Variants in PPP3CA observed in about 807,000 individuals in gnomAD.
The protein encoded by PPP3CA is protein phosphatase 3 catalytic subunit alpha.
In PPP3CA, 14 loss-of-function variants were observed where a neutral mutation model predicts 66.5. The observed-to-expected ratio is 0.21, with a 90% CI of 0.14 to 0.33. The LOEUF (loss-of-function observed/expected upper bound fraction) is 0.33, where lower values mean the gene tolerates loss of function less well. Among genes scored for constraint, PPP3CA ranks in the 10% least tolerant of loss-of-function variants. PPP3CA has a pLI of 1.00. For synonymous variants in PPP3CA, 232 were observed against 226.2 expected (o/e 1.03, Z -0.23); for missense variants, 317 against 639.5 (o/e 0.50, Z 5.44).
At chr4:101,252,013 G>A (rs184271553) in intron 1 of PPP3CA, among the ~76,000 whole-genome samples, 16 of 152,258 alleles carry the variant, frequency 1.1e-4, no homozygotes, top group Middle Eastern at 3.4e-3. Flanking sequence ...GTCACACCTT[G>A]CTGAAAACGG....
chr4:101,146,808 A>C (rs901821822), intron 2 of PPP3CA, among the ~76,000 whole-genome samples: 1 of 152,190 alleles, frequency 6.6e-6, no homozygotes, highest in African/African-American at 2.4e-5. Context: ...TACAGATTGA[A>C]TATCCCTTAT....
intron 2 of PPP3CA, among the ~76,000 whole-genome samples, chr4:101,124,697 GAA>G (rs1225338891): frequency 1.3e-4 from 12 of 91,810 alleles, no homozygotes; most frequent in East Asian, 5.9e-4. Flanking sequence ...AAGAAAGAAA[GAA>G]AGAAAGAAAG....
intron 1 of PPP3CA, among the ~76,000 whole-genome samples, chr4:101,289,715 G>A (rs1431717313): frequency 6.6e-6 from 1 of 151,890 alleles, no homozygotes; most frequent in Non-Finnish European, 1.5e-5. Flanking sequence ...TATATGTGAG[G>A]TTGTTTTTAA....
intron 1 of PPP3CA, among the ~76,000 whole-genome samples, chr4:101,243,871 C>T (rs1560677367): frequency 6.6e-6 from 1 of 152,080 alleles, no homozygotes. Context: ...ATTCATTGAC[C>T]CCTGGACAAA....
intron 1 of PPP3CA, among the ~76,000 whole-genome samples, chr4:101,312,209 T>A (rs1313781330): frequency 6.6e-6 from 1 of 152,194 alleles, no homozygotes; most frequent in Non-Finnish European, 1.5e-5. Flanking sequence ...ATATAATGCA[T>A]ACATTGCAAT....
intron 2 of PPP3CA, among the ~76,000 whole-genome samples, chr4:101,165,101 G>A (rs906244): frequency 6.6e-4 from 101 of 152,014 alleles, no homozygotes; most frequent in African/African-American, 2.1e-3. Flanking sequence ...TGGAATCTGC[G>A]ATTAAACAAA....
intron 2 of PPP3CA, among the ~76,000 whole-genome samples, chr4:101,134,539 G>A (rs1413691050): frequency 2.6e-5 from 4 of 152,094 alleles, no homozygotes; most frequent in African/African-American, 4.8e-5. Context: ...GTCATCTCAC[G>A]CCAGTTAGAA....
At position 101,101,178 on chromosome 4, in the gene PPP3CA, A is replaced by G. The variant is rs185784136; in HGVS notation, c.385-1456T>C. Among the ~76,000 whole-genome samples the G allele has an allele frequency of 1.6e-3, 248 of 152,248 alleles. 1 individual carries two copies. The highest frequency in any genetic ancestry group is 5.8e-3 in the African/African-American group (240 of 41,574). On this transcript the variant is annotated intron_variant, in intron 3 of 13. Coordinates refer to ENST00000394854, the MANE Select transcript of PPP3CA (RefSeq NM_000944.5). ...TGACTAATGATATTAATATGTCTGA[A>G]AAGTTGACCAAATGGCCTGTACAAG... is the stretch of plus-strand genomic sequence containing the variant.
intron 10 of PPP3CA, among the ~76,000 whole-genome samples, chr4:101,043,558 A>T (rs77380331): frequency 0.019 from 2,301 of 121,816 alleles, 42 homozygotes; most frequent in African/African-American, 0.071. Flanking sequence ...TTTCTTAATT[A>T]AAAAAAAAAA....
chr4:101,279,024 A>G lies in PPP3CA; in HGVS notation c.58+67715T>C, dbSNP rs556540274. On this transcript the variant is annotated intron_variant, in intron 1 of 13. Coordinates refer to ENST00000394854, the MANE Select transcript of PPP3CA (RefSeq NM_000944.5). ...TTCCAAACTAAAAAATGTAATTAAA[A>G]TGTCTTGCATCAGACTTAGAAGCAT... Among the ~76,000 whole-genome samples the G allele has an allele frequency of 6.6e-5, 10 of 152,342 alleles. No individual in the cohort carries two copies. The South Asian group carries it at 1.7e-3, about 25-fold the overall frequency.
At position 101,076,192 on chromosome 4, in the gene PPP3CA, A is replaced by T. The variant is rs114862331; in HGVS notation, c.955+4340T>A. The stretch of plus-strand genomic sequence containing the variant: ...GTGCAAAGTGCTCTGCAAATGTTTA[A>T]CTCCAATTTAGAAAGGGTATCAGCA... On this transcript the variant is annotated intron_variant, in intron 8 of 13. Coordinates refer to ENST00000394854, the MANE Select transcript of PPP3CA (RefSeq NM_000944.5). Among the ~76,000 whole-genome samples, 1,209 of 152,186 alleles carry T rather than the reference A, an allele frequency of 7.9e-3. 8 individuals carry two copies. The highest frequency in any genetic ancestry group is 0.012 in the Non-Finnish European group (809 of 67,996).
intron 1 of PPP3CA, among the ~76,000 whole-genome samples, chr4:101,302,878 A>G (rs1215352736): frequency 6.6e-6 from 1 of 152,182 alleles, no homozygotes; most frequent in Admixed American, 6.5e-5. Flanking sequence ...AGACTCCCTA[A>G]TTACTCTAAG....
At chr4:101,123,034 C>T (rs1722079136) in intron 2 of PPP3CA, among the ~76,000 whole-genome samples, 1 of 152,142 alleles carries the variant, frequency 6.6e-6, no homozygotes, top group Non-Finnish European at 1.5e-5. Flanking sequence ...AGCCATTCAT[C>T]TCTCCTTTGA....
intron 1 of PPP3CA, among the ~76,000 whole-genome samples, chr4:101,256,817 C>T (rs1422990651): frequency 6.6e-6 from 1 of 151,818 alleles, no homozygotes; most frequent in East Asian, 1.9e-4. Context: ...ATGGTGAGGA[C>T]AAAAGAAAAT....
chr4:101,162,379 A>G (rs1723544111), intron 2 of PPP3CA, among the ~76,000 whole-genome samples: 1 of 151,846 alleles, frequency 6.6e-6, no homozygotes, highest in African/African-American at 2.4e-5. Flanking sequence ...AAAAATACAA[A>G]AATTAGCTGG....
chr4:101,297,336 A>T (rs532061413), intron 1 of PPP3CA, among the ~76,000 whole-genome samples: 1 of 152,376 alleles, frequency 6.6e-6, no homozygotes, highest in Admixed American at 6.5e-5. Flanking sequence ...TTAAATGAAG[A>T]ACCTGACACA....
intron 1 of PPP3CA, among the ~76,000 whole-genome samples, chr4:101,304,441 T>C (rs193260077): frequency 1.3e-5 from 2 of 152,286 alleles, no homozygotes; most frequent in East Asian, 3.9e-4. Flanking sequence ...AGACCTACAG[T>C]TGGTAGATTT....
intron 1 of PPP3CA, among the ~76,000 whole-genome samples, chr4:101,281,680 T>G (rs909634948): frequency 1.3e-5 from 2 of 152,338 alleles, no homozygotes; most frequent in South Asian, 4.1e-4. Context: ...TGGTTAAACA[T>G]TCAGCATCCA....
At chr4:101,117,070 T>A (rs1190233209) in intron 2 of PPP3CA, among the ~76,000 whole-genome samples, 1 of 151,894 alleles carries the variant, frequency 6.6e-6, no homozygotes, top group South Asian at 2.1e-4. Context: ...TTAATAGCAG[T>A]ATTTTAAACA....
Sources: allele counts gnomAD v4.1 joint callset (sites outside exome capture counted in the v4.1 genomes callset), GRCh38; gene constraint gnomAD v4.1.1; transcripts MANE v1.5; gene names NCBI Gene and HGNC (gene_info 2026-07-23, HGNC 2026-07-21).